Variants in POGLUT3 observed in about 807,000 individuals in gnomAD.
POGLUT3 encodes protein O-glucosyltransferase 3, also known as KDEL (Lys-Asp-Glu-Leu) containing 2.
A neutral mutation model predicts 54.3 loss-of-function variants in POGLUT3; 48 were observed. The ratio of observed to expected loss-of-function variants is 0.88; its 90% CI spans 0.70 to 1.12. The LOEUF (loss-of-function observed/expected upper bound fraction) is 1.12, where lower values mean the gene tolerates loss of function less well. Among genes scored for constraint, POGLUT3 ranks in the 50% most tolerant of loss-of-function variants. The pLI is 0.00. For missense variants in POGLUT3, 629 were observed against 618.7 expected, an observed-to-expected ratio of 1.02 and a Z score of -0.18; for synonymous variants, 218 against 237.4, an observed-to-expected ratio of 0.92 and a Z score of 0.75.
chr11:108,476,429 G>A (rs1254697590), intron 7 of POGLUT3, among the ~76,000 whole-genome samples: 11 of 152,036 alleles, frequency 7.2e-5, no homozygotes, highest in Admixed American at 2.0e-4. Flanking sequence ...CACTGCACCC[G>A]GCCAAGAAAT....
chr11:108,477,020 A>C (rs1252555458), intron 7 of POGLUT3, among the ~76,000 whole-genome samples: 4 of 152,210 alleles, frequency 2.6e-5, no homozygotes, highest in African/African-American at 4.8e-5. Context: ...TTAATAAAAG[A>C]GAGCACTGAG....
Position 108,498,288 on chromosome 11 carries a change from C to A in POGLUT3, c.79G>T (p.Val27Phe). Residue 27 changes from valine to phenylalanine, a missense_variant, in exon 1 of 8, where the codon GTC (valine) becomes TTC (phenylalanine). Coordinates refer to ENST00000323468, the MANE Select transcript of POGLUT3 (RefSeq NM_153705.5). ...LVAAGAPEVL[V>F]SAPRSLVWGP... ...CACACCAGGCTCCGCGGCGCGCTGACCAGCACCTCCGGGGCCCCCGCGGCC... is the reference window on the plus strand; with the variant it reads ...CACACCAGGCTCCGCGGCGCGCTGAACAGCACCTCCGGGGCCCCCGCGGCC... 1 of 1,478,162 alleles carries A rather than the reference C, an allele frequency of 6.8e-7. No homozygotes were observed. The highest frequency in any genetic ancestry group is 9.0e-7 in the Non-Finnish European group (1 of 1,112,844). The allele number at this position is 1,478,162 out of a possible 1,614,324, so 91.6% of individuals were successfully genotyped here. A position where few individuals can be genotyped will look rare whatever the true frequency, so the allele number is the denominator to read the frequency against.
intron 3 of POGLUT3, 43 bp downstream of exon 3, chr11:108,486,113 AC>A (rs1565748838): frequency 7.1e-7 from 1 of 1,408,346 alleles, no homozygotes. Flanking sequence ...TAAATGTTAT[AC>A]CTAAATAATT....
chr11:108,495,677 G>C (rs1446762028), intron 1 of POGLUT3, among the ~76,000 whole-genome samples: 1 of 152,084 alleles, frequency 6.6e-6, no homozygotes, highest in East Asian at 1.9e-4. Flanking sequence ...TATTTATTTA[G>C]AGAAAGGGTC....
At chr11:108,481,972 T>C in intron 4 of POGLUT3, 34 bp downstream of exon 4, 1 of 1,525,174 alleles carries the variant, frequency 6.6e-7, no homozygotes, top group African/African-American at 1.4e-5. Flanking sequence ...CTAAGCTTTT[T>C]CTTCATTAAT....
At chr11:108,491,545 G>T in intron 1 of POGLUT3, 3 of 255,312 alleles carry the variant, frequency 1.2e-5, no homozygotes, top group Non-Finnish European at 7.5e-6. Context: ...GAAATTTTTT[G>T]TAGAGATGGT....
At chr11:108,475,451 G>A (rs2093579283) in intron 7 of POGLUT3, among the ~76,000 whole-genome samples, 1 of 145,988 alleles carries the variant, frequency 6.8e-6, no homozygotes, top group Non-Finnish European at 1.5e-5. Context: ...TTCTATAAAT[G>A]GAGTTTTTTT....
intron 7 of POGLUT3, among the ~76,000 whole-genome samples, chr11:108,477,312 T>C (rs1289887090): frequency 6.6e-6 from 1 of 152,020 alleles, no homozygotes; most frequent in Non-Finnish European, 1.5e-5. Context: ...TGAGGCAGAA[T>C]TGCTTGAACC....
intron 3 of POGLUT3, 69 bp from the exon 4 acceptor site, chr11:108,482,291 C>T: frequency 9.3e-7 from 1 of 1,077,640 alleles, no homozygotes; most frequent in Non-Finnish European, 1.4e-6. Context: ...TACAACAGTT[C>T]TTTGGTTTTC....
Position 108,482,129 on chromosome 11 carries a change from T to C in POGLUT3, c.778A>G (p.Ile260Val). The C allele has an allele frequency of 6.2e-7, 1 of 1,614,040 alleles. No homozygotes were observed. Among genetic ancestry groups the C allele is most frequent in the Non-Finnish European group, 8.5e-7 (1 of 1,179,972 alleles). The change falls in exon 4 of 8, where the codon ATT becomes GTT. Residue 260 changes from isoleucine (I) to valine (V), a missense_variant. Physicochemically the swap from Ile to Val is conservative, Grantham distance 29. Coordinates refer to ENST00000323468, the MANE Select transcript of POGLUT3 (RefSeq NM_153705.5). Reference protein sequence around the residue: ...VNGTPSPIPIISWCGSLDSRD... With the variant: ...VNGTPSPIPIVSWCGSLDSRD... ...GAATCCAGAGAGCCACACCATGAAATGATAGGTATGGGGCTAGGGGTTCCA... is the reference window on the plus strand; with the variant it reads ...GAATCCAGAGAGCCACACCATGAAACGATAGGTATGGGGCTAGGGGTTCCA...
intron 3 of POGLUT3, among the ~76,000 whole-genome samples, chr11:108,484,086 G>A (rs746002299): frequency 6.6e-6 from 1 of 152,106 alleles, no homozygotes; most frequent in African/African-American, 2.4e-5. Flanking sequence ...TTTGCGATGG[G>A]GTTGGGGGGT....
At position 108,474,923 on chromosome 11, in the gene POGLUT3, G is replaced by A. The variant is rs557053968; in HGVS notation, c.1428C>T (p.Pro476=). The A allele has an allele frequency of 6.2e-6, 10 of 1,613,946 alleles. No individual in the cohort carries two copies. In the Admixed American group the frequency reaches 6.7e-5, roughly 11 times the overall value. ...CAAGTTCCATTCCATCACGTACTTC[G>A]GGTTTGCTGGACTGGCGCTCGGCAT... The part of the protein sequence containing the change: ...QKYAERQSSK[P]EVRDGMELVP... The change falls in exon 8 of 8, where the codon CCC becomes CCT. Residue 476 remains proline, a synonymous_variant. Coordinates refer to ENST00000323468, the MANE Select transcript of POGLUT3 (RefSeq NM_153705.5).
chr11:108,495,545 G>C (rs1163133777), intron 1 of POGLUT3, among the ~76,000 whole-genome samples: 1 of 152,166 alleles, frequency 6.6e-6, no homozygotes, highest in African/African-American at 2.4e-5. Flanking sequence ...AAACTAGTTG[G>C]GTGAGTTTTC....
At position 108,479,494 on chromosome 11, in the gene POGLUT3, T is replaced by A. The variant is rs1383975685; in HGVS notation, c.1100A>T (p.Tyr367Phe). Residue 367 changes from tyrosine to phenylalanine, a missense_variant and splice_region_variant, in exon 6 of 8, where the codon TAC (tyrosine) becomes TTC (phenylalanine). Transcript: ENST00000323468. ...CCCATCCACATTTACTTGATACTTGTACTGGAAGATGAAAAACAAACATAA... is the reference window on the plus strand; with the variant it reads ...CCCATCCACATTTACTTGATACTTGAACTGGAAGATGAAAAACAAACATAA... Reference protein sequence around the residue: ...KLMGFFDFFKYKYQVNVDGTV... With the variant: ...KLMGFFDFFKFKYQVNVDGTV... 1 of 1,578,338 alleles carries A rather than the reference T, an allele frequency of 6.3e-7. No individual in the cohort carries two copies. Among genetic ancestry groups the A allele is most frequent in the African/African-American group, 1.4e-5 (1 of 72,934 alleles).
chr11:108,486,466 C>A (rs1441481911), intron 2 of POGLUT3, 26 bp from the exon 3 acceptor site: 1 of 1,607,638 alleles, frequency 6.2e-7, no homozygotes. Flanking sequence ...ATGAAAAAGG[C>A]CGCACTCCAT....
In POGLUT3 at chr11:108,484,444, A is replaced by G. The variant is rs146063138; in HGVS notation, c.684+1713T>C. ...CAGCATACTTGGGGAATTGTATAACATATCAGGAAAACTGTGTTTTTTTTG... is the reference window on the plus strand; with the variant it reads ...CAGCATACTTGGGGAATTGTATAACGTATCAGGAAAACTGTGTTTTTTTTG... On this transcript the variant is annotated intron_variant, in intron 3 of 7. Coordinates refer to ENST00000323468, the MANE Select transcript of POGLUT3 (RefSeq NM_153705.5). 6.6e-5 allele frequency among the ~76,000 whole-genome samples: 10 copies of G among 152,280 alleles called. No homozygotes were observed. The East Asian group carries it at 1.4e-3, about 21-fold the overall frequency.
In POGLUT3 at chr11:108,492,744, G is replaced by A. The variant is rs573811184; in HGVS notation, c.203-1577C>T. 7.9e-5 allele frequency among the ~76,000 whole-genome samples: 12 copies of A among 152,188 alleles called. No homozygotes were observed. The South Asian group carries it at 8.3e-4, about 11-fold the overall frequency. On this transcript the variant is annotated intron_variant, in intron 1 of 7. Transcript: ENST00000323468. ...CTTGAAACAAGTATGATAAAATTACGAAATAAATCTGCTAACCTAAATGAA... is the reference window on the plus strand; with the variant it reads ...CTTGAAACAAGTATGATAAAATTACAAAATAAATCTGCTAACCTAAATGAA...
In POGLUT3 at chr11:108,486,169, T is replaced by C. The variant is rs1565748870; in HGVS notation, c.672A>G (p.Ser224=). ...FKMFSDEILL[S]LTRKVLLPDL... ...TTCATTCTCCTACCTTTCTTGTCAA[T>C]GATAACAAAATCTCATCAGAGAACA... Residue 224 remains serine, a synonymous_variant, in exon 3 of 8, where the codon TCA becomes TCG. Coordinates refer to ENST00000323468, the MANE Select transcript of POGLUT3 (RefSeq NM_153705.5). 6.2e-7 allele frequency: 1 copy of C among 1,606,570 alleles called. No individual in the cohort carries two copies. The highest frequency in any genetic ancestry group is 8.5e-7 in the Non-Finnish European group (1 of 1,174,006).
At chr11:108,484,499 TGGCTCATGCTG>T (rs2093599045) in intron 3 of POGLUT3, among the ~76,000 whole-genome samples, 1 of 152,132 alleles carries the variant, frequency 6.6e-6, no homozygotes, top group Non-Finnish European at 1.5e-5. Context: ...CCAGGCGCAG[TGGCTCATGCTG>T]AGCACTTTGG....
Sources: allele counts gnomAD v4.1 joint callset (sites outside exome capture counted in the v4.1 genomes callset), GRCh38; gene constraint gnomAD v4.1.1; transcripts MANE v1.5; gene names NCBI Gene and HGNC (gene_info 2026-07-23, HGNC 2026-07-21).